LRRK2: variants seen among roughly 807,000 people sequenced by gnomAD.
LRRK2 encodes the protein leucine-rich repeat serine/threonine-protein kinase 2.
In LRRK2, 203 loss-of-function variants were observed where a neutral mutation model predicts 302.6. The ratio of observed to expected loss-of-function variants is 0.67; its 90% confidence interval spans 0.60 to 0.75. The LOEUF (loss-of-function observed/expected upper bound fraction) is 0.75, where lower values mean the gene tolerates loss of function less well. Among genes scored for constraint, LRRK2 ranks in the 30% least tolerant of loss-of-function variants. The probability of loss-of-function intolerance (pLI) is 0.00; values close to 1 mark genes in which losing one functional copy is unlikely to be tolerated. For synonymous variants in LRRK2, 1,066 were observed against 1,031.9 expected (o/e 1.03, Z -0.63); for missense variants, 2,830 against 2,951.0 (o/e 0.96, Z 0.95).
At chr12:40,347,634 T>C (rs999577659) in intron 42 of LRRK2, among the ~76,000 whole-genome samples, 2 of 152,210 alleles carry the variant, frequency 1.3e-5, no homozygotes, top group Non-Finnish European at 2.9e-5. Context: ...ATAATCTAGG[T>C]TATTTCCCTT....
chr12:40,283,870 A>G lies in LRRK2; in HGVS notation c.2242-5A>G, dbSNP rs1423372513. On this transcript the variant is annotated splice_region_variant and splice_polypyrimidine_tract_variant and intron_variant, in intron 18 of 50. Transcript: ENST00000298910. ...TTAATATACTTAATTTTTTTTCTTT[A>G]ATAGGTATGTGAGAAAGAGAGCAGT... 6.2e-7 allele frequency: 1 copy of G among 1,608,306 alleles called. No individual in the cohort carries two copies. Among genetic ancestry groups the G allele is most frequent in the South Asian group, 1.1e-5 (1 of 89,570 alleles).
At chr12:40,349,567 GC>G (rs1946293928) in intron 43 of LRRK2, among the ~76,000 whole-genome samples, 1 of 10,378 alleles carries the variant, frequency 9.6e-5, no homozygotes, top group Non-Finnish European at 6.1e-4. Context: ...AGGCTGGAGT[GC>G]TGGAGTGCAG....
chr12:40,310,881 C>A (rs1402142005), intron 31 of LRRK2, among the ~76,000 whole-genome samples: 1 of 151,970 alleles, frequency 6.6e-6, no homozygotes, highest in Non-Finnish European at 1.5e-5. Context: ...AACTAAGAGA[C>A]CGTTTCTGGG....
intron 18 of LRRK2, among the ~76,000 whole-genome samples, chr12:40,279,186 T>C (rs1439995277): frequency 1.2e-5 from 1 of 80,134 alleles, no homozygotes; most frequent in Non-Finnish European, 3.2e-5. Context: ...CATTATTAAA[T>C]AATCAATAAA....
Position 40,367,760 on chromosome 12 carries a change from G to A in LRRK2, c.7579G>A (p.Glu2527Lys). ...TGAAAAAATGAGACGAACATCTGTT[G>A]AGTAAGAGAGAAATAGGAATTGTCT... ...LAEKMRRTSV[E>K] The change falls in exon 51 of 51, where the codon GAG (glutamate) becomes AAG (lysine). Residue 2527 changes from glutamate (E) to lysine (K), a missense_variant. By Grantham distance (56) the Glu-to-Lys change is moderately conservative. Transcript: ENST00000298910. 6.2e-7 allele frequency: 1 copy of A among 1,604,174 alleles called. No homozygotes were observed. Among genetic ancestry groups the A allele is most frequent in the Non-Finnish European group, 8.5e-7 (1 of 1,174,406 alleles).
intron 11 of LRRK2, among the ~76,000 whole-genome samples, chr12:40,254,910 G>C (rs528292192): frequency 6.6e-6 from 1 of 152,230 alleles, no homozygotes; most frequent in African/African-American, 2.4e-5. Context: ...ACTTTCTTGG[G>C]CAATTTCTCA....
intron 6 of LRRK2, 78 bp from the exon 7 acceptor site, chr12:40,243,472 A>G (rs1003817172): frequency 5.3e-6 from 8 of 1,501,060 alleles, no homozygotes; most frequent in South Asian, 2.3e-5. Flanking sequence ...TTTACAGTCT[A>G]TATAAGACGT....
intron 46 of LRRK2, among the ~76,000 whole-genome samples, chr12:40,358,330 CCT>C (rs1357463099): frequency 2.0e-5 from 3 of 151,952 alleles, no homozygotes; most frequent in African/African-American, 7.3e-5. Flanking sequence ...AAATGTTTCC[CCT>C]GTTTCCTTTT....
At chr12:40,341,818 G>C (rs1946052463) in intron 41 of LRRK2, among the ~76,000 whole-genome samples, 1 of 152,152 alleles carries the variant, frequency 6.6e-6, no homozygotes, top group Admixed American at 6.5e-5. Flanking sequence ...TAAACCATAT[G>C]CAACTCTAAC....
At chr12:40,341,054 T>A (rs1401557181) in intron 41 of LRRK2, among the ~76,000 whole-genome samples, 1 of 152,184 alleles carries the variant, frequency 6.6e-6, no homozygotes, top group Non-Finnish European at 1.5e-5. Context: ...CTGTCTACCC[T>A]GTGGAATCTT....
chr12:40,310,470 C>A lies in LRRK2; in HGVS notation c.4357C>A (p.His1453Asn). Residue 1453 changes from histidine (H) to asparagine (N), a missense_variant, in exon 31 of 51, where the codon CAT (histidine) becomes AAT (asparagine). Physicochemically the swap from His to Asn is moderately conservative, Grantham distance 68. Coordinates refer to ENST00000298910, the MANE Select transcript of LRRK2 (RefSeq NM_198578.4). Reference protein sequence around the residue: ...SSSPVILVGTHLDVSDEKQRK... With the variant: ...SSSPVILVGTNLDVSDEKQRK... ...TTCCCCTGTGATTCTCGTTGGCACA[C>A]ATTTGGATGTTTCTGATGAGAAGCA... 6.2e-7 allele frequency: 1 copy of A among 1,613,080 alleles called. No homozygotes were observed. The highest frequency in any genetic ancestry group is 8.5e-7 in the Non-Finnish European group (1 of 1,179,766).
At chr12:40,264,106 A>AC (rs1942899602) in intron 14 of LRRK2, among the ~76,000 whole-genome samples, 1 of 152,188 alleles carries the variant, frequency 6.6e-6, no homozygotes, top group African/African-American at 2.4e-5. Context: ...GTGTATTATC[A>AC]ATTATAGATG....
rs1944718044 is a variant in LRRK2, at chr12:40,303,982, C to T, written c.3625C>T (p.Gln1209Ter). The T allele has an allele frequency of 6.2e-7, 1 of 1,613,618 alleles. No individual in the cohort carries two copies. Residue 1209 changes from glutamine to a stop codon, truncating the protein, a stop_gained, in exon 27 of 51, where the codon CAG (glutamine) becomes TAG (stop). Transcript: ENST00000298910. LOFTEE classifies it high-confidence loss of function. ...RSLDMSSNDI[Q>*]YLPGPAHWKS... The stretch of plus-strand genomic sequence containing the variant: ...TTTAGATATGAGCAGCAATGATATT[C>T]AGTACCTACCAGGTCCCGCACACTG...
chr12:40,275,741 G>T (rs1943424738), intron 16 of LRRK2, among the ~76,000 whole-genome samples: 1 of 151,736 alleles, frequency 6.6e-6, no homozygotes, highest in South Asian at 2.1e-4. Context: ...CTCCTGAGTA[G>T]CTCAGACTAC....
chr12:40,301,257 C>G (rs1565729668), intron 25 of LRRK2, among the ~76,000 whole-genome samples: 1 of 152,082 alleles, frequency 6.6e-6, no homozygotes, highest in Non-Finnish European at 1.5e-5. Context: ...AACCCTGTCT[C>G]TACTAAAAAT....
chr12:40,226,261 G>A (rs983510455), intron 2 of LRRK2, among the ~76,000 whole-genome samples: 2 of 152,230 alleles, frequency 1.3e-5, no homozygotes, highest in African/African-American at 4.8e-5. Context: ...AATTTGCTAT[G>A]TATCTTGGAT....
rs200689827 is a variant in LRRK2, at chr12:40,237,993, A to G, written c.461A>G (p.Asp154Gly). 1.2e-5 allele frequency: 20 copies of G among 1,612,654 alleles called. No individual in the cohort carries two copies. The highest frequency in any genetic ancestry group is 1.6e-5 in the Non-Finnish European group (19 of 1,179,036). ...TSGKITLLILDEESDIFMLIF... is the reference protein window; with the variant it reads ...TSGKITLLILGEESDIFMLIF... ...GGTAAAATCACCTTGCTGATATTGG[A>G]TGAAGAAAGTGATATTTTCATGTTA... Residue 154 changes from aspartate to glycine, a missense_variant, in exon 5 of 51, where the codon GAT becomes GGT. Around this residue, in one of 3 missense-constraint regions of LRRK2, gnomAD observed 2,121 missense variants for 2,148.0 expected, o/e 0.99. Coordinates refer to ENST00000298910, the MANE Select transcript of LRRK2 (RefSeq NM_198578.4).
Position 40,331,036 on chromosome 12 carries a change from A to AT in LRRK2, c.5757+2585dup, listed in dbSNP as rs533574756. Among the ~76,000 whole-genome samples the AT allele has an allele frequency of 5.9e-5, 9 of 151,322 alleles. No homozygotes were observed. In the East Asian group the frequency reaches 9.7e-4, roughly 16 times the overall value. Reference sequence around the variant, plus strand: ...GGTGTTTCTGTTCATGTCAATTAGAATTTTTTTTTGTATTACTTGCATTAT... The same window carrying AT: ...GGTGTTTCTGTTCATGTCAATTAGAATTTTTTTTTTGTATTACTTGCATTAT... On this transcript the variant is annotated intron_variant, in intron 39 of 50. Coordinates refer to ENST00000298910, the MANE Select transcript of LRRK2 (RefSeq NM_198578.4).
At chr12:40,330,461 A>T (rs1274291572) in intron 39 of LRRK2, among the ~76,000 whole-genome samples, 1 of 151,904 alleles carries the variant, frequency 6.6e-6, no homozygotes, top group Non-Finnish European at 1.5e-5. Context: ...TGACCTTTTG[A>T]ATTTCATTTG....
Sources: allele counts gnomAD v4.1 joint callset (sites outside exome capture counted in the v4.1 genomes callset), GRCh38; gene constraint gnomAD v4.1.1; regional missense constraint gnomAD v4.1.1; transcripts MANE v1.5; gene names NCBI Gene and HGNC (gene_info 2026-07-23, HGNC 2026-07-21).